The following THADA variants were observed in gnomAD, a reference collection of about 807,000 sequenced individuals.
The protein encoded by THADA is tRNA (32-2'-O)-methyltransferase regulator THADA.
A neutral mutation model predicts 219.8 loss-of-function variants in THADA; 213 were observed. That is an observed-to-expected ratio of 0.97 (90% CI 0.87 to 1.09). The LOEUF is 1.09. Ranked by LOEUF, THADA falls within the 50% of genes least tolerant of loss-of-function variation. The probability of loss-of-function intolerance (pLI) is 0.00; values close to 1 mark genes in which losing one functional copy is unlikely to be tolerated. For synonymous variants in THADA, 1,018 were observed against 828.9 expected (o/e 1.23, Z -3.92); for missense variants, 2,956 against 2,311.3 (o/e 1.28, Z -5.72).
chr2:43,549,096 C>G (rs1010828363), intron 20 of THADA, 114 bp downstream of exon 20: 8 of 978,908 alleles, frequency 8.2e-6, no homozygotes, highest in African/African-American at 1.7e-5. Flanking sequence ...ACTTTATTTT[C>G]TAGAAATGTT....
intron 22 of THADA, among the ~76,000 whole-genome samples, chr2:43,523,774 T>C (rs759822818): frequency 6.6e-6 from 1 of 152,206 alleles, no homozygotes; most frequent in Non-Finnish European, 1.5e-5. Flanking sequence ...TAAATATCTG[T>C]AGATTAAGCT....
chr2:43,443,921 C>A (rs1000747368), intron 26 of THADA, among the ~76,000 whole-genome samples: 2 of 151,856 alleles, frequency 1.3e-5, no homozygotes, highest in African/African-American at 4.9e-5. Flanking sequence ...ACAAGGCAAC[C>A]CTTGGCATGA....
At chr2:43,525,473 G>A (rs899175833) in intron 22 of THADA, among the ~76,000 whole-genome samples, 3 of 152,168 alleles carry the variant, frequency 2.0e-5, no homozygotes, top group African/African-American at 7.2e-5. Context: ...GCTTCTGGCT[G>A]ATTCTCTTGG....
chr2:43,540,060 A>C (rs1414416963), intron 21 of THADA, among the ~76,000 whole-genome samples: 1 of 152,208 alleles, frequency 6.6e-6, no homozygotes, highest in Non-Finnish European at 1.5e-5. Flanking sequence ...TGGGAAATCA[A>C]AGGCCTCTAG....
At chr2:43,458,847 CTTTAA>C (rs1309118860) in intron 26 of THADA, among the ~76,000 whole-genome samples, 7 of 152,060 alleles carry the variant, frequency 4.6e-5, no homozygotes, top group African/African-American at 1.7e-4. Flanking sequence ...TGAAAATGTC[CTTTAA>C]TTTATGAAAT....
rs541632214 is a variant in THADA at position 43,566,109 on chromosome 2, T to C, written c.2311+589A>G. 30 of 220,842 alleles carry C rather than the reference T, an allele frequency of 1.4e-4. No homozygotes were observed. In the South Asian group the frequency reaches 4.2e-3, roughly 31 times the overall value. The allele number at this position is 220,842 out of a possible 1,614,324, so 13.7% of individuals were successfully genotyped here. A position where few individuals can be genotyped will look rare whatever the true frequency, so the allele number is the denominator to read the frequency against. On this transcript the variant is annotated intron_variant, in intron 15 of 37. Coordinates refer to ENST00000405975, the MANE Select transcript of THADA (RefSeq NM_022065.5). Reference sequence around the variant, plus strand: ...TCTCAAAATAAAAAAAAAGGAATCATTTCTTGTCAAAAAGGAAAAAATGAA... The same window carrying C: ...TCTCAAAATAAAAAAAAAGGAATCACTTCTTGTCAAAAAGGAAAAAATGAA...
At chr2:43,407,272 T>A (rs1055910455) in intron 28 of THADA, among the ~76,000 whole-genome samples, 1 of 152,194 alleles carries the variant, frequency 6.6e-6, no homozygotes, top group Non-Finnish European at 1.5e-5. Context: ...CACAAAGGAA[T>A]AGAGAGAATT....
intron 16 of THADA, among the ~76,000 whole-genome samples, chr2:43,558,800 C>T (rs1013338451): frequency 5.9e-5 from 9 of 152,146 alleles, no homozygotes; most frequent in Admixed American, 2.6e-4. Context: ...AACCCTAATA[C>T]AAATATATAA....
Position 43,376,680 on chromosome 2 carries a change from C to T in THADA, c.4227+21291G>A, listed in dbSNP as rs1205919832. Among the ~76,000 whole-genome samples the T allele has an allele frequency of 2.0e-5, 3 of 152,192 alleles. No homozygotes were observed. In the East Asian group the frequency reaches 5.8e-4, roughly 29 times the overall value. On this transcript the variant is annotated intron_variant, in intron 29 of 37. Coordinates refer to ENST00000405975, the MANE Select transcript of THADA (RefSeq NM_022065.5). ...ATGACTGACATTCAGAAGGGCTTCG[C>T]AGAGGCTCTGGCAACCTAGATACAT...
In THADA at chr2:43,231,208, G is replaced by A; in HGVS notation, c.5602C>T (p.Leu1868Phe). The A allele has an allele frequency of 2.5e-6, 4 of 1,613,916 alleles. No homozygotes were observed. Among genetic ancestry groups the A allele is most frequent in the South Asian group, 1.1e-5 (1 of 91,064 alleles). Residue 1868 changes from leucine to phenylalanine, a missense_variant, in exon 38 of 38, where the codon CTC becomes TTC. Transcript: ENST00000405975. ...GACACCATCCTTTGAAGGTGACAGA[G>A]CATCTCAGGGCTTGGGGGACGCCAG... ...SGWRPPSPEM[L>F]CHLQRMVSEQ...
rs577971476 is a variant in THADA, at chr2:43,437,027, G to A, written c.3837-6725C>T. ...ATGGGGTTATGCTTGGTTATTCACAGAAGCTTCCCAGAGATATAAGCAACT... is the reference window on the plus strand; with the variant it reads ...ATGGGGTTATGCTTGGTTATTCACAAAAGCTTCCCAGAGATATAAGCAACT... On this transcript the variant is annotated intron_variant, in intron 26 of 37. Transcript: ENST00000405975. Among the ~76,000 whole-genome samples the A allele has an allele frequency of 1.2e-3, 181 of 152,310 alleles. 1 individual carries two copies. Among genetic ancestry groups the A allele is most frequent in the African/African-American group, 4.2e-3 (173 of 41,566 alleles).
At chr2:43,335,684 T>C (rs577209317) in intron 30 of THADA, among the ~76,000 whole-genome samples, 11 of 151,434 alleles carry the variant, frequency 7.3e-5, no homozygotes, top group Non-Finnish European at 1.6e-4. Flanking sequence ...CTGGGCTGAG[T>C]GTGGTGGCTC....
At chr2:43,353,441 A>C (rs1347510911) in intron 29 of THADA, among the ~76,000 whole-genome samples, 7 of 152,170 alleles carry the variant, frequency 4.6e-5, no homozygotes, top group Admixed American at 4.6e-4. Context: ...AGTGATGTTG[A>C]GCACTATTTT....
chr2:43,464,610 A>G (rs191058086), intron 26 of THADA, among the ~76,000 whole-genome samples: 1 of 152,328 alleles, frequency 6.6e-6, no homozygotes, highest in East Asian at 1.9e-4. Context: ...CTGTCATCAC[A>G]TGAGCTACAT....
intron 25 of THADA, among the ~76,000 whole-genome samples, chr2:43,491,671 A>G (rs373534056): frequency 1.3e-5 from 2 of 152,206 alleles, no homozygotes; most frequent in African/African-American, 2.4e-5. Context: ...ATAATAAGCT[A>G]TATCATACAA....
intron 21 of THADA, among the ~76,000 whole-genome samples, chr2:43,540,427 C>A (rs538802612): frequency 6.6e-6 from 1 of 152,076 alleles, no homozygotes; most frequent in African/African-American, 2.4e-5. Context: ...TAGCATACTA[C>A]AATATTTGTT....
At chr2:43,590,771 T>G in intron 4 of THADA, 53 bp downstream of exon 4, 2 of 1,590,912 alleles carry the variant, frequency 1.3e-6, no homozygotes, top group South Asian at 2.3e-5. Flanking sequence ...TTCAGTTACT[T>G]TTGGTCAAAT....
chr2:43,465,919 G>A (rs1243095730), intron 26 of THADA, among the ~76,000 whole-genome samples: 1 of 152,158 alleles, frequency 6.6e-6, no homozygotes, highest in Non-Finnish European at 1.5e-5. Context: ...CCTCGCTGCT[G>A]TAAATGGCAC....
intron 21 of THADA, among the ~76,000 whole-genome samples, chr2:43,535,194 G>A (rs1468341429): frequency 3.6e-5 from 1 of 27,808 alleles, no homozygotes; most frequent in Non-Finnish European, 7.4e-5. Flanking sequence ...TTTTTTTTTT[G>A]CTGTTGAGAT....
Sources: gnomAD v4.1 joint callset for allele counts (sites outside exome capture counted in the v4.1 genomes callset) on GRCh38, gnomAD v4.1.1 for gene constraint, MANE v1.5 for transcripts, NCBI Gene and HGNC (gene_info 2026-07-23, HGNC 2026-07-21) for gene names.